The following RNF38 variants were observed in gnomAD, a reference collection of about 807,000 sequenced individuals.
The protein encoded by RNF38 is ring finger protein 38.
In RNF38, 15 loss-of-function variants were observed where a neutral mutation model predicts 67.2. The observed-to-expected ratio is 0.22, with a 90% CI of 0.15 to 0.34. RNF38 has a LOEUF of 0.34. RNF38 is among the 10% of genes least tolerant of loss of function. The probability of loss-of-function intolerance (pLI) is 1.00; values close to 1 mark genes in which losing one functional copy is unlikely to be tolerated. For synonymous variants in RNF38, 220 were observed against 218.8 expected (o/e 1.01, Z -0.05); for missense variants, 524 against 639.9 (o/e 0.82, Z 1.95).
At chr9:36,455,781 C>A (rs931138254) in intron 1 of RNF38, among the ~76,000 whole-genome samples, 1 of 151,270 alleles carries the variant, frequency 6.6e-6, no homozygotes, top group Non-Finnish European at 1.5e-5. Flanking sequence ...AAAATTACAG[C>A]ACGTCTATAA....
At chr9:36,375,566 T>G (rs998213688) in intron 3 of RNF38, among the ~76,000 whole-genome samples, 1 of 152,068 alleles carries the variant, frequency 6.6e-6, no homozygotes, top group African/African-American at 2.4e-5. Context: ...AGGAATGGAG[T>G]AGAAAAGGAG....
At chr9:36,437,580 C>T (rs115130823) in intron 1 of RNF38, among the ~76,000 whole-genome samples, 7,608 of 150,442 alleles carry the variant, frequency 0.051, 585 homozygotes, top group African/African-American at 0.17. Flanking sequence ...AAAGAAGAGG[C>T]GCAGACAAAT....
chr9:36,421,683 TAAAATA>T (rs1010140209), intron 2 of RNF38, among the ~76,000 whole-genome samples: 1 of 151,620 alleles, frequency 6.6e-6, no homozygotes, highest in African/African-American at 2.4e-5. Flanking sequence ...AATAAATAAA[TAAAATA>T]AAAATAAAAA....
intron 2 of RNF38, among the ~76,000 whole-genome samples, chr9:36,422,266 T>G (rs1301907939): frequency 6.6e-6 from 1 of 150,686 alleles, no homozygotes; most frequent in Non-Finnish European, 1.5e-5. Flanking sequence ...AACATAAAAA[T>G]GCAAAAAATT....
At position 36,463,647 on chromosome 9, in the gene RNF38, T is replaced by C. The variant is rs550709052; in HGVS notation, n.241+23661A>G. Among the ~76,000 whole-genome samples the C allele has an allele frequency of 2.6e-5, 4 of 152,294 alleles. No homozygotes were observed. The South Asian group carries it at 8.3e-4, about 32-fold the overall frequency. ...CGAAGGGGGCAATGGTACTGATGAA[T>C]CACACAAATACAAAGATATGTACAT... On this transcript the variant is annotated intron_variant and non_coding_transcript_variant, in intron 1 of 3. Coordinates refer to the RNF38 transcript ENST00000488058.
At chr9:36,481,435 T>C (rs922322141) in intron 1 of RNF38, among the ~76,000 whole-genome samples, 1 of 152,206 alleles carries the variant, frequency 6.6e-6, no homozygotes, top group Non-Finnish European at 1.5e-5. Context: ...ACAGCGCTAA[T>C]ATCCATTTAA....
intron 4 of RNF38, among the ~76,000 whole-genome samples, chr9:36,366,724 G>A (rs1834996749): frequency 6.6e-6 from 1 of 152,202 alleles, no homozygotes; most frequent in Non-Finnish European, 1.5e-5. Context: ...GCAGGAAAGT[G>A]TTCAAAGTTT....
At chr9:36,423,272 A>AT (rs1036446306) in intron 2 of RNF38, among the ~76,000 whole-genome samples, 4 of 152,222 alleles carry the variant, frequency 2.6e-5, no homozygotes, top group Non-Finnish European at 5.9e-5. Context: ...CTGGAATGCT[A>AT]TAAGCTACCA....
At chr9:36,386,182 A>C (rs1836617871) in intron 2 of RNF38, among the ~76,000 whole-genome samples, 1 of 152,190 alleles carries the variant, frequency 6.6e-6, no homozygotes, top group Non-Finnish European at 1.5e-5. Context: ...CCAACCTAAT[A>C]CCAACACAGA....
At chr9:36,385,710 T>C (rs2133963869) in intron 2 of RNF38, among the ~76,000 whole-genome samples, 1 of 152,192 alleles carries the variant, frequency 6.6e-6, no homozygotes, top group South Asian at 2.1e-4. Flanking sequence ...GCAAAACCAT[T>C]ACATCTGAGA....
intron 4 of RNF38, among the ~76,000 whole-genome samples, chr9:36,365,038 G>C (rs1374018410): frequency 6.6e-6 from 1 of 152,292 alleles, no homozygotes; most frequent in South Asian, 2.1e-4. Context: ...AATAGGTGTG[G>C]TTGTGTTCCA....
chr9:36,358,181 G>C (rs1360046445), intron 4 of RNF38, among the ~76,000 whole-genome samples: 4 of 152,062 alleles, frequency 2.6e-5, no homozygotes, highest in Admixed American at 2.0e-4. Flanking sequence ...GACTTGAAAA[G>C]CCCAGGGAAA....
At chr9:36,476,841 G>T (rs1055411221) in intron 1 of RNF38, among the ~76,000 whole-genome samples, 2 of 152,002 alleles carry the variant, frequency 1.3e-5, no homozygotes, top group Admixed American at 6.6e-5. Context: ...ATGCTGGCGG[G>T]TAAGAATAAA....
At chr9:36,480,215 G>A (rs1840217631) in intron 1 of RNF38, among the ~76,000 whole-genome samples, 3 of 152,042 alleles carry the variant, frequency 2.0e-5, no homozygotes, top group Non-Finnish European at 4.4e-5. Context: ...TTGAGCTCAA[G>A]TGATCCACCT....
At position 36,428,286 on chromosome 9, in the gene RNF38, C is replaced by T. The variant is rs143532479; in HGVS notation, n.242-3603G>A. ...AAAAAATTAGCTGGGCATGGTGGCA[C>T]GCACCTGTAATCCCAGCTACTCAGG... On this transcript the variant is annotated intron_variant and non_coding_transcript_variant, in intron 1 of 3. Transcript: ENST00000488058. Among the ~76,000 whole-genome samples, 570 of 151,714 alleles carry T rather than the reference C, an allele frequency of 3.8e-3. 3 individuals are homozygous for T. Among genetic ancestry groups the T allele is most frequent in the African/African-American group, 0.013 (545 of 41,332 alleles).
intron 4 of RNF38, among the ~76,000 whole-genome samples, chr9:36,362,923 C>CTGT (rs1834677619): frequency 4.7e-4 from 35 of 74,000 alleles, no homozygotes; most frequent in African/African-American, 1.3e-3. Context: ...TGAGGCACCA[C>CTGT]ACCCGGCCCT....
At chr9:36,483,686 C>G (rs1019670408) in intron 1 of RNF38, among the ~76,000 whole-genome samples, 2 of 152,212 alleles carry the variant, frequency 1.3e-5, no homozygotes, top group Non-Finnish European at 2.9e-5. Flanking sequence ...ATGTTGGTCA[C>G]AAGCTAAAAC....
intron 1 of RNF38, among the ~76,000 whole-genome samples, chr9:36,455,847 G>T (rs1839580050): frequency 6.6e-6 from 1 of 150,814 alleles, no homozygotes. Flanking sequence ...GGGGGCGGAG[G>T]TTGCAGTGAG....
intron 2 of RNF38, 103 bp downstream of exon 2, chr9:36,390,364 A>G: frequency 1.1e-5 from 11 of 981,794 alleles, no homozygotes; most frequent in East Asian, 2.7e-5. Flanking sequence ...CATACAACAG[A>G]AAACAAGGAG....
Sources: allele counts gnomAD v4.1 joint callset (sites outside exome capture counted in the v4.1 genomes callset), GRCh38; gene constraint gnomAD v4.1.1; transcripts MANE v1.5; gene names NCBI Gene and HGNC (gene_info 2026-07-23, HGNC 2026-07-21).